Variants in EML6 observed in about 807,000 individuals in gnomAD.
EML6 encodes the protein echinoderm microtubule-associated protein-like 6.
In EML6, 154 loss-of-function variants were observed where a neutral mutation model predicts 240.1. The observed-to-expected ratio is 0.64, with a 90% confidence interval of 0.56 to 0.73. EML6 has a LOEUF of 0.73. Ranked by LOEUF, EML6 falls within the 30% of genes least tolerant of loss-of-function variation. The pLI is 0.00. For synonymous variants in EML6, 1,148 were observed against 899.0 expected, an observed-to-expected ratio of 1.28 and a Z score of -4.95; for missense variants, 2,964 against 2,474.6, an observed-to-expected ratio of 1.20 and a Z score of -4.20.
intron 32 of EML6, among the ~76,000 whole-genome samples, chr2:54,956,133 A>G (rs973225309): frequency 6.6e-5 from 10 of 152,212 alleles, no homozygotes; most frequent in Non-Finnish European, 1.3e-4. Flanking sequence ...GCAGACTAGA[A>G]GCCAATGCAG....
chr2:54,879,694 G>T (rs1671716852), intron 17 of EML6, 54 bp downstream of exon 17: 6 of 1,038,428 alleles, frequency 5.8e-6, no homozygotes, highest in South Asian at 1.5e-5. Flanking sequence ...GTTCAGTAAA[G>T]GTCAATAGTT....
intron 2 of EML6, among the ~76,000 whole-genome samples, chr2:54,770,363 CT>C (rs1414963978): frequency 6.6e-6 from 1 of 152,224 alleles, no homozygotes; most frequent in Non-Finnish European, 1.5e-5. Context: ...CTTGGGACCA[CT>C]TGCTTTCCAG....
chr2:54,931,338 G>A (rs958535186), intron 28 of EML6, among the ~76,000 whole-genome samples: 4 of 152,190 alleles, frequency 2.6e-5, no homozygotes, highest in African/African-American at 9.7e-5. Flanking sequence ...AAAGCAGGAT[G>A]AGTGATGGAA....
intron 2 of EML6, among the ~76,000 whole-genome samples, chr2:54,790,259 TC>T (rs1220388295): frequency 2.0e-5 from 3 of 152,204 alleles, no homozygotes; most frequent in African/African-American, 7.2e-5. Context: ...TCATCCACTT[TC>T]TATTTTCTCT....
chr2:54,737,961 T>C (rs1683469818), intron 2 of EML6, among the ~76,000 whole-genome samples: 1 of 152,140 alleles, frequency 6.6e-6, no homozygotes, highest in South Asian at 2.1e-4. Flanking sequence ...TTTGTACTCT[T>C]TTGCACTCTT....
At chr2:54,944,492 T>A (rs907989283) in intron 28 of EML6, among the ~76,000 whole-genome samples, 2 of 152,196 alleles carry the variant, frequency 1.3e-5, no homozygotes, top group Non-Finnish European at 2.9e-5. Flanking sequence ...ATCATTCCTC[T>A]CTTGGATCAT....
Position 54,968,754 on chromosome 2 carries a change from A to G in EML6, c.5838A>G (p.Gly1946=). The G allele has an allele frequency of 6.5e-7, 1 of 1,538,678 alleles. No individual in the cohort carries two copies. Among genetic ancestry groups the G allele is most frequent in the Non-Finnish European group, 8.8e-7 (1 of 1,135,052 alleles). Residue 1946 remains glycine (G), a synonymous_variant, in exon 41 of 42, where the codon GGA becomes GGG. Transcript: ENST00000356458. ...ATGACAAGTATGTGGTCAGCACTGG[A>G]GGAGACGACTGCAGGTACTAACGTA... is the stretch of plus-strand genomic sequence containing the variant. ...SYDDKYVVST[G]GDDCSVFVWR...
chr2:54,783,890 A>G (rs911929687), intron 2 of EML6, among the ~76,000 whole-genome samples: 10 of 152,134 alleles, frequency 6.6e-5, no homozygotes, highest in African/African-American at 2.2e-4. Context: ...CCACATTGCA[A>G]GATTTTAAAT....
chr2:54,850,228 G>T lies in EML6; in HGVS notation c.1444+10G>T. ...TTCTACAGAATGCCATGTAAGTCAT[G>T]TGGAGGCCTTGGATGTTTCTGGAAA... On this transcript the variant is annotated intron_variant, in intron 10 of 41. Coordinates refer to ENST00000356458, the MANE Select transcript of EML6 (RefSeq NM_001039753.4). 1 of 1,549,326 alleles carries T rather than the reference G, an allele frequency of 6.5e-7. No homozygotes were observed. The highest frequency in any genetic ancestry group is 8.7e-7 in the Non-Finnish European group (1 of 1,145,046).
rs375199836 is a variant in EML6, at chr2:54,825,793, T to G, written c.526-1773T>G. Among the ~76,000 whole-genome samples the G allele has an allele frequency of 1.7e-4, 26 of 152,274 alleles. No individual in the cohort carries two copies. The East Asian group carries it at 2.3e-3, about 14-fold the overall frequency. On this transcript the variant is annotated intron_variant, in intron 5 of 41. Coordinates refer to ENST00000356458, the MANE Select transcript of EML6 (RefSeq NM_001039753.4). Reference sequence around the variant, plus strand: ...CTGAATCCTGGCCACCTTGGGGGTATAGCCATCCCAGAACTGTTTCCTCTA... The same window carrying G: ...CTGAATCCTGGCCACCTTGGGGGTAGAGCCATCCCAGAACTGTTTCCTCTA...
chr2:54,780,489 A>G (rs1668805599), intron 2 of EML6, among the ~76,000 whole-genome samples: 1 of 152,216 alleles, frequency 6.6e-6, no homozygotes, highest in South Asian at 2.1e-4. Context: ...TACTGGAGTG[A>G]GTGGATAATA....
chr2:54,897,445 A>T lies in EML6; in HGVS notation c.2982+2045A>T, dbSNP rs187591728. Among the ~76,000 whole-genome samples, 501 of 152,328 alleles carry T rather than the reference A, an allele frequency of 3.3e-3. 2 individuals are homozygous for T. The highest frequency in any genetic ancestry group is 0.012 in the African/African-American group (483 of 41,586). On this transcript the variant is annotated intron_variant, in intron 21 of 41. Coordinates refer to ENST00000356458, the MANE Select transcript of EML6 (RefSeq NM_001039753.4). ...CTCCACAACAGATTGGCTCTGTTAC[A>T]TTGTTTTATAGATGAGGGACCTAAA...
chr2:54,826,055 G>T, intron 5 of EML6, among the ~76,000 whole-genome samples: 1 of 152,184 alleles, frequency 6.6e-6, no homozygotes, highest in Non-Finnish European at 1.5e-5. Flanking sequence ...GTCTGAATAT[G>T]CTACCTTAAA....
chr2:54,829,700 T>A (rs984610288), intron 7 of EML6, among the ~76,000 whole-genome samples: 3 of 152,226 alleles, frequency 2.0e-5, no homozygotes, highest in African/African-American at 7.2e-5. Context: ...AGCATTCTGA[T>A]GAAGTTGCTG....
At chr2:54,921,342 T>C (rs1674240177) in intron 26 of EML6, among the ~76,000 whole-genome samples, 1 of 152,056 alleles carries the variant, frequency 6.6e-6, no homozygotes, top group Non-Finnish European at 1.5e-5. Flanking sequence ...TCAAGACAAA[T>C]AAAATGTTTA....
At chr2:54,767,901 C>T (rs1289265219) in intron 2 of EML6, among the ~76,000 whole-genome samples, 1 of 152,040 alleles carries the variant, frequency 6.6e-6, no homozygotes, top group Non-Finnish European at 1.5e-5. Context: ...GGGTTACAGG[C>T]GTGAGTCAAC....
chr2:54,899,761 G>A lies in EML6; in HGVS notation c.3103G>A (p.Ala1035Thr), dbSNP rs1395101382. The change falls in exon 22 of 42, where the codon GCA becomes ACA. Residue 1035 changes from alanine (A) to threonine (T), a missense_variant. Physicochemically the swap from Ala to Thr is moderately conservative, Grantham distance 58. Transcript: ENST00000356458. ...ACTATCTGCCCAGCACCGTATGCTG[G>A]CAGTACGGAAACTCAAAAAAGGTAC... ...WELSAQHRML[A>T]VRKLKKGGRC... 1 of 1,551,272 alleles carries A rather than the reference G, an allele frequency of 6.4e-7. No homozygotes were observed. Among genetic ancestry groups the A allele is most frequent in the Non-Finnish European group, 8.7e-7 (1 of 1,146,774 alleles).
At chr2:54,933,370 T>C (rs1331176113) in intron 28 of EML6, among the ~76,000 whole-genome samples, 1 of 152,174 alleles carries the variant, frequency 6.6e-6, no homozygotes, top group African/African-American at 2.4e-5. Flanking sequence ...AGACCCAAAA[T>C]AGAAAATGTC....
In EML6 at chr2:54,771,629, CAT is replaced by C. The variant is rs1174984201; in HGVS notation, c.198-41600_198-41599del. Reference sequence around the variant, plus strand: ...TCCTTCTATAAAATGGTAGCTATCACATATGTGTGTGAATGTATGTGTATATA... The same window carrying C: ...TCCTTCTATAAAATGGTAGCTATCACATGTGTGTGAATGTATGTGTATATA... On this transcript the variant is annotated intron_variant, in intron 2 of 41. Transcript: ENST00000356458. Among the ~76,000 whole-genome samples the C allele has an allele frequency of 3.9e-5, 6 of 152,352 alleles. No homozygotes were observed. The South Asian group carries it at 1.0e-3, about 26-fold the overall frequency.
Sources: allele counts gnomAD v4.1 joint callset (sites outside exome capture counted in the v4.1 genomes callset), GRCh38; gene constraint gnomAD v4.1.1; transcripts MANE v1.5; gene names NCBI Gene and HGNC (gene_info 2026-07-23, HGNC 2026-07-21).